The following MTG2 variants were observed in gnomAD, a reference collection of about 807,000 sequenced individuals.
MTG2 encodes mitochondrial ribosome-associated GTPase 2.
A neutral mutation model predicts 28.6 loss-of-function variants in MTG2; 23 were observed. That is an observed-to-expected ratio of 0.80 (90% CI 0.58 to 1.14). The LOEUF is 1.14. Ranked by LOEUF, MTG2 falls within the 50% of genes most tolerant of loss-of-function variation. MTG2 has a pLI of 0.00. For missense variants in MTG2, 539 were observed against 552.0 expected (o/e 0.98, Z 0.24); for synonymous variants, 260 against 251.8 (o/e 1.03, Z -0.31).
chr20:62,195,310 C>A (rs1568787567), intron 2 of MTG2, among the ~76,000 whole-genome samples: 1 of 152,228 alleles, frequency 6.6e-6, no homozygotes, highest in Non-Finnish European at 1.5e-5. Context: ...ACTCTTTCTT[C>A]AGAGTCGAAA....
In MTG2 at chr20:62,193,696, C is replaced by T. The variant is rs561531079; in HGVS notation, c.204+72C>T. 26 of 1,377,592 alleles carry T rather than the reference C, an allele frequency of 1.9e-5. No homozygotes were observed. The East Asian group carries it at 5.5e-4, about 29-fold the overall frequency. 85.3% of individuals were successfully genotyped at this position (1,377,592 alleles called of 1,614,324 possible). On this transcript the variant is annotated intron_variant, in intron 2 of 6. Coordinates refer to ENST00000370823, the MANE Select transcript of MTG2 (RefSeq NM_015666.4). ...GGCACAGGGTGTGGTTTCGGGTCCT[C>T]CTCTGGGTCTCATCTCTGTTGATGT...
At chr20:62,184,174 T>C (rs759050570) in intron 1 of MTG2, among the ~76,000 whole-genome samples, 19 of 152,100 alleles carry the variant, frequency 1.2e-4, no homozygotes, top group South Asian at 1.2e-3. Flanking sequence ...CTGGCCAACA[T>C]GGTGAAACCC....
At chr20:62,197,069 T>C (rs1165684646) in intron 3 of MTG2, 3 of 150,974 alleles carry the variant, frequency 2.0e-5, no homozygotes, top group African/African-American at 7.3e-5. Flanking sequence ...AAAAAAATTA[T>C]ATGGATATTC....
Position 62,201,078 on chromosome 20 carries a change from C to T in MTG2, c.*1C>T. 6.3e-7 allele frequency: 1 copy of T among 1,590,490 alleles called. No individual in the cohort carries two copies. Among genetic ancestry groups the T allele is most frequent in the Non-Finnish European group, 8.5e-7 (1 of 1,169,830 alleles). On this transcript the variant is annotated 3_prime_UTR_variant, in exon 7 of 7. Transcript: ENST00000370823. ...GGGCCGCCAGCCGCTCAGGTGGTAGCCACGCCAGAGCGGGGTCGCCTCTGG... is the reference window on the plus strand; with the variant it reads ...GGGCCGCCAGCCGCTCAGGTGGTAGTCACGCCAGAGCGGGGTCGCCTCTGG...
Position 62,191,891 on chromosome 20 carries a change from C to G in MTG2, c.-5-1525C>G, listed in dbSNP as rs574952440. ...CCCTTGGCACCTGCAAGGTAGCCGG[C>G]TGTCATGAGCGGCTTGTTGAATGAG... On this transcript the variant is annotated intron_variant, in intron 1 of 6. Coordinates refer to ENST00000370823, the MANE Select transcript of MTG2 (RefSeq NM_015666.4). Among the ~76,000 whole-genome samples the G allele has an allele frequency of 2.1e-3, 327 of 152,346 alleles. 3 individuals carry two copies. The highest frequency in any genetic ancestry group is 5.1e-3 in the Admixed American group (78 of 15,298).
At chr20:62,187,655 C>G (rs1265179564) in intron 1 of MTG2, among the ~76,000 whole-genome samples, 3 of 152,216 alleles carry the variant, frequency 2.0e-5, no homozygotes, top group Admixed American at 2.0e-4. Flanking sequence ...CTCTTGCCCT[C>G]TGGCTGTCTG....
chr20:62,191,124 G>A (rs2057950174), intron 1 of MTG2, among the ~76,000 whole-genome samples: 1 of 152,166 alleles, frequency 6.6e-6, no homozygotes, highest in Non-Finnish European at 1.5e-5. Context: ...ACCCCAGAGT[G>A]CTGAATTGGG....
At chr20:62,185,989 G>A (rs1249575108) in intron 1 of MTG2, among the ~76,000 whole-genome samples, 1 of 152,216 alleles carries the variant, frequency 6.6e-6, no homozygotes, top group Admixed American at 6.5e-5. Flanking sequence ...TCAGGTCTCT[G>A]GTTGGCTTTG....
Position 62,198,717 on chromosome 20 carries a change from G to A in MTG2, c.552G>A (p.Leu184=). The stretch of plus-strand genomic sequence containing the variant: ...TGGGAGATGAGTACATTGCCGCGCT[G>A]GGCGGGGCAGGAGGGAAAGGCAACC... ...SCVGDEYIAA[L]GGAGGKGNRF... The change falls in exon 5 of 7, where the codon CTG becomes CTA. Residue 184 remains leucine, a synonymous_variant. Coordinates refer to ENST00000370823, the MANE Select transcript of MTG2 (RefSeq NM_015666.4). The A allele has an allele frequency of 6.2e-7, 1 of 1,614,166 alleles. No homozygotes were observed. The highest frequency in any genetic ancestry group is 8.5e-7 in the Non-Finnish European group (1 of 1,180,044).
At position 62,200,895 on chromosome 20, in the gene MTG2, A is replaced by G; in HGVS notation, c.1039A>G (p.Ile347Val). Residue 347 changes from isoleucine to valine, a missense_variant, in exon 7 of 7, where the codon ATT becomes GTT. Coordinates refer to ENST00000370823, the MANE Select transcript of MTG2 (RefSeq NM_015666.4). ...ARPHAIVANKIDLPEAQANLS... is the reference protein window; with the variant it reads ...ARPHAIVANKVDLPEAQANLS... ...GCCCCACGCAATCGTCGCAAACAAG[A>G]TTGACCTCCCTGAAGCCCAAGCCAA... 1 of 1,614,030 alleles carries G rather than the reference A, an allele frequency of 6.2e-7. No individual in the cohort carries two copies. Among genetic ancestry groups the G allele is most frequent in the Admixed American group, 1.7e-5 (1 of 60,030 alleles).
At chr20:62,197,803 C>A in intron 3 of MTG2, 49 bp from the exon 4 acceptor site, 1 of 1,529,354 alleles carries the variant, frequency 6.5e-7, no homozygotes. Context: ...CAGCAATAGG[C>A]CATGGTTGTC....
At chr20:62,198,364 C>T in intron 4 of MTG2, 1 of 561,808 alleles carries the variant, frequency 1.8e-6, no homozygotes, top group Non-Finnish European at 3.2e-6. Context: ...TTTTCTGGTG[C>T]TTCAGTTCAC....
chr20:62,199,229 C>T lies in MTG2; in HGVS notation c.798C>T (p.Val266=). The change falls in exon 6 of 7, where the codon GTC becomes GTT. Residue 266 remains valine, a synonymous_variant. Transcript: ENST00000370823. ...FTTLKPHVGI[V]HYEGHLQIAV... ...CCCTGAAGCCCCACGTCGGGATCGT[C>T]CACTACGAAGGCCACCTACAAATAG... The T allele has an allele frequency of 6.2e-7, 1 of 1,614,098 alleles. No homozygotes were observed. Among genetic ancestry groups the T allele is most frequent in the South Asian group, 1.1e-5 (1 of 91,084 alleles).
chr20:62,188,023 C>T (rs1042274777), intron 1 of MTG2, among the ~76,000 whole-genome samples: 2 of 150,582 alleles, frequency 1.3e-5, no homozygotes, highest in African/African-American at 4.9e-5. Flanking sequence ...CCCAGCTACT[C>T]GGGAGGCTGA....
chr20:62,193,523 C>T lies in MTG2; in HGVS notation c.103C>T (p.Leu35=), dbSNP rs776925393. ...GGCTGGCCTGAAGCCCAGCCGGCTA[C>T]TGCCACAGCGGGCTTCTCCCAGGCT... ...TWAGLKPSRL[L]PQRASPRLLS... is the part of the protein sequence containing the mutation. The change falls in exon 2 of 7, where the codon CTG becomes TTG. Residue 35 remains leucine, a synonymous_variant. Coordinates refer to ENST00000370823, the MANE Select transcript of MTG2 (RefSeq NM_015666.4). 6.2e-7 allele frequency: 1 copy of T among 1,614,176 alleles called. No individual in the cohort carries two copies. The highest frequency in any genetic ancestry group is 1.1e-5 in the South Asian group (1 of 91,076).
chr20:62,198,180 G>T (rs1054565478), intron 4 of MTG2: 1 of 575,994 alleles, frequency 1.7e-6, no homozygotes, highest in East Asian at 2.9e-5. Context: ...CACACCATGT[G>T]CATGTCTAGT....
chr20:62,193,765 A>G, intron 2 of MTG2, 141 bp downstream of exon 2: 1 of 834,802 alleles, frequency 1.2e-6, no homozygotes. Context: ...CTTCTTGAAA[A>G]TGACAGGGTG....
intron 2 of MTG2, chr20:62,193,886 G>T: frequency 2.1e-6 from 1 of 476,108 alleles, no homozygotes; most frequent in Non-Finnish European, 3.8e-6. Context: ...CCATGAGCCT[G>T]TGTATTTTAC....
intron 1 of MTG2, 42 bp from the exon 2 acceptor site, chr20:62,193,374 C>T (rs746826963): frequency 6.3e-7 from 1 of 1,588,484 alleles, no homozygotes; most frequent in Admixed American, 1.7e-5. Context: ...TCATGCCCAG[C>T]ATTAAACCAA....
Sources: gnomAD v4.1 joint callset for allele counts (sites outside exome capture counted in the v4.1 genomes callset) on GRCh38, gnomAD v4.1.1 for gene constraint, MANE v1.5 for transcripts, NCBI Gene and HGNC (gene_info 2026-07-23, HGNC 2026-07-21) for gene names.